The following PDCL3 variants were observed in gnomAD, a reference collection of about 807,000 sequenced individuals.
PDCL3 encodes phosducin like 3.
A neutral mutation model predicts 26.5 loss-of-function variants in PDCL3; 22 were observed. That is an observed-to-expected ratio of 0.83 (90% confidence interval 0.59 to 1.19). The LOEUF is 1.19. PDCL3 is among the 50% of genes most tolerant of loss of function. PDCL3 has a pLI of 0.00. For synonymous variants in PDCL3, 81 were observed against 104.9 expected, an observed-to-expected ratio of 0.77 and a Z score of 1.39; for missense variants, 246 against 294.1, an observed-to-expected ratio of 0.84 and a Z score of 1.20.
intron 1 of PDCL3, among the ~76,000 whole-genome samples, chr2:100,563,915 GTTT>G (rs373590264): frequency 7.1e-6 from 1 of 140,630 alleles, no homozygotes; most frequent in Non-Finnish European, 1.5e-5. Flanking sequence ...GCCAGACACT[GTTT>G]TTTTTTTTTT....
chr2:100,566,686 C>G, intron 2 of PDCL3, 57 bp downstream of exon 2: 2 of 1,597,862 alleles, frequency 1.3e-6, no homozygotes, highest in Non-Finnish European at 1.7e-6. Context: ...CTCCCTAAGC[C>G]TCTGACTGCC....
intron 2 of PDCL3, 138 bp from the exon 3 acceptor site, chr2:100,568,793 T>G: frequency 1.5e-6 from 1 of 667,886 alleles, no homozygotes; most frequent in South Asian, 1.8e-5. Context: ...TGTGGTGCCT[T>G]AAGTAATTTT....
At chr2:100,569,071 GTTTT>G (rs1347314998) in intron 3 of PDCL3, 50 bp downstream of exon 3, 2 of 1,534,196 alleles carry the variant, frequency 1.3e-6, no homozygotes, top group South Asian at 1.2e-5. Flanking sequence ...TGTTTGTTTT[GTTTT>G]GGTTTTTTTT....
At chr2:100,571,497 A>G (rs1293027806) in intron 4 of PDCL3, 93 bp from the exon 5 acceptor site, 2 of 1,123,872 alleles carry the variant, frequency 1.8e-6, no homozygotes, top group Admixed American at 2.1e-5. Flanking sequence ...TGAAACTGTT[A>G]CAAGGTTTTA....
In PDCL3 at chr2:100,576,412, T is replaced by G. The variant is rs775059482; in HGVS notation, c.636T>G (p.Pro212=). The change falls in exon 6 of 6, where the codon CCT becomes CCG. Residue 212 remains proline (P), a synonymous_variant. Transcript: ENST00000264254. ...TTATGACAGACCTGGAGGAAAACCC[T>G]AAGAAGCCGATTGAAGACGTGTTGC... ...GAIMTDLEEN[P]KKPIEDVLLS... is the part of the protein sequence containing the mutation. 8.1e-6 allele frequency: 13 copies of G among 1,613,972 alleles called. No homozygotes were observed. In the South Asian group the frequency reaches 1.4e-4, roughly 18 times the overall value.
At position 100,566,485 on chromosome 2, in the gene PDCL3, T is replaced by C; in HGVS notation, c.7-18T>C. 1 of 1,611,356 alleles carries C rather than the reference T, an allele frequency of 6.2e-7. No homozygotes were observed. On this transcript the variant is annotated intron_variant, in intron 1 of 5. Transcript: ENST00000264254. ...ACTAGACTTAGCACTCATGGTAACCTTGGTCCCGCTCTTCTAGGACCCCAA... is the reference window on the plus strand; with the variant it reads ...ACTAGACTTAGCACTCATGGTAACCCTGGTCCCGCTCTTCTAGGACCCCAA...
chr2:100,572,108 T>C (rs1675190367), intron 5 of PDCL3: 1 of 339,992 alleles, frequency 2.9e-6, no homozygotes, highest in Non-Finnish European at 5.4e-6. Context: ...ACATTCACTT[T>C]TGCTTTAATT....
At chr2:100,563,915 G>GTTT (rs373590264) in intron 1 of PDCL3, among the ~76,000 whole-genome samples, 18 of 140,636 alleles carry the variant, frequency 1.3e-4, no homozygotes, top group South Asian at 6.9e-4. Context: ...GCCAGACACT[G>GTTT]TTTTTTTTTT....
chr2:100,574,573 C>CACAATCCAAGTAATTA (rs1450566921), intron 5 of PDCL3, among the ~76,000 whole-genome samples: 1 of 152,050 alleles, frequency 6.6e-6, no homozygotes, highest in Non-Finnish European at 1.5e-5. Flanking sequence ...ATTAACCATC[C>CACAATCCAAGTAATTA]ATCATTTCAC....
At position 100,568,917 on chromosome 2, in the gene PDCL3, G is replaced by GT. The variant is rs762781252; in HGVS notation, c.134-13dup. The stretch of plus-strand genomic sequence containing the variant: ...TTTTAAATTTTTGCTTTTTGCCAAT[G>GT]TAACCAAATTCAGTGAAAACATATG... On this transcript the variant is annotated splice_polypyrimidine_tract_variant and intron_variant, in intron 2 of 5. Coordinates refer to ENST00000264254, the MANE Select transcript of PDCL3 (RefSeq NM_024065.5). 12 of 1,606,154 alleles carry GT rather than the reference G, an allele frequency of 7.5e-6. No individual in the cohort carries two copies. The highest frequency in any genetic ancestry group is 8.5e-6 in the Non-Finnish European group (10 of 1,177,160).
At chr2:100,569,511 G>A in intron 3 of PDCL3, 67 bp from the exon 4 acceptor site, 3 of 1,529,714 alleles carry the variant, frequency 2.0e-6, no homozygotes, top group Admixed American at 2.0e-5. Context: ...TACAAGGATT[G>A]CCTTCTAGAC....
rs552847489 is a variant in PDCL3, at chr2:100,572,364, A to G, written c.577+566A>G. Among the ~76,000 whole-genome samples, 10 of 151,754 alleles carry G rather than the reference A, an allele frequency of 6.6e-5. No individual in the cohort carries two copies. The South Asian group carries it at 1.9e-3, about 28-fold the overall frequency. ...GTATCTGGGATTACTGGCACCTACC[A>G]CCACGCCCAGCTAATTTTTGTATTT... On this transcript the variant is annotated intron_variant, in intron 5 of 5. Transcript: ENST00000264254.
intron 5 of PDCL3, among the ~76,000 whole-genome samples, chr2:100,572,283 C>G (rs1675193152): frequency 6.6e-6 from 1 of 152,044 alleles, no homozygotes; most frequent in Non-Finnish European, 1.5e-5. Context: ...ATGATCTTGC[C>G]TCACTGCAAC....
chr2:100,572,923 C>T (rs536744413), intron 5 of PDCL3, among the ~76,000 whole-genome samples: 3 of 151,666 alleles, frequency 2.0e-5, no homozygotes, highest in African/African-American at 4.8e-5. Context: ...TTTGCTCTTT[C>T]GCTCAGGCTG....
intron 2 of PDCL3, among the ~76,000 whole-genome samples, chr2:100,568,504 C>G (rs950761531): frequency 2.6e-5 from 4 of 152,214 alleles, no homozygotes; most frequent in Non-Finnish European, 4.4e-5. Flanking sequence ...TGGTGGCACA[C>G]GCCTGTAATC....
At chr2:100,568,863 AAAAAAG>A in intron 2 of PDCL3, 62 bp from the exon 3 acceptor site, 1 of 1,342,514 alleles carries the variant, frequency 7.4e-7, no homozygotes, top group Non-Finnish European at 1.1e-6. Flanking sequence ...AAGAGAGGGG[AAAAAAG>A]AAAAATACAT....
At position 100,570,074 on chromosome 2, in the gene PDCL3, C is replaced by T. The variant is rs552158169; in HGVS notation, c.368+353C>T. Among the ~76,000 whole-genome samples the T allele has an allele frequency of 1.8e-4, 28 of 152,280 alleles. No individual in the cohort carries two copies. In the East Asian group the frequency reaches 5.0e-3, roughly 27 times the overall value. ...GCAGTGAGCCGAGATTGCGCCACTG[C>T]ACTCCAGCCTGGGCGACAGAGCGAG... On this transcript the variant is annotated intron_variant, in intron 4 of 5. Coordinates refer to ENST00000264254, the MANE Select transcript of PDCL3 (RefSeq NM_024065.5).
At chr2:100,571,114 C>CAAAAA (rs59012685) in intron 4 of PDCL3, among the ~76,000 whole-genome samples, 20 of 109,068 alleles carry the variant, frequency 1.8e-4, no homozygotes, top group African/African-American at 4.1e-4. Flanking sequence ...CCTGTCTTTA[C>CAAAAA]AAAAAAAAAA....
intron 1 of PDCL3, among the ~76,000 whole-genome samples, chr2:100,564,152 C>A (rs1675014149): frequency 1.3e-5 from 2 of 151,836 alleles, no homozygotes; most frequent in Non-Finnish European, 2.9e-5. Flanking sequence ...ACAGGATGAG[C>A]CACCGCACCT....
Sources: allele counts gnomAD v4.1 joint callset (sites outside exome capture counted in the v4.1 genomes callset), GRCh38; gene constraint gnomAD v4.1.1; transcripts MANE v1.5; gene names NCBI Gene and HGNC (gene_info 2026-07-23, HGNC 2026-07-21).